Variants in ABLIM1 observed in about 807,000 individuals in gnomAD.
ABLIM1 encodes actin-binding LIM protein 1.
ABLIM1 carries 40 observed loss-of-function variants against 107.0 expected under a neutral mutation model. The observed-to-expected ratio is 0.37, with a 90% confidence interval of 0.29 to 0.49. ABLIM1 has a LOEUF of 0.49. ABLIM1 is among the 20% of genes least tolerant of loss of function. The pLI, the probability that ABLIM1 is intolerant of heterozygous loss-of-function variation, is 0.97. For missense variants in ABLIM1, 857 were observed against 1,008.5 expected (o/e 0.85, Z 2.04); for synonymous variants, 357 against 357.3 (o/e 1.00, Z 0.01).
chr10:114,449,254 G>A (rs74158005), intron 14 of ABLIM1, among the ~76,000 whole-genome samples: 4,181 of 152,256 alleles, frequency 0.027, 193 homozygotes, highest in African/African-American at 0.097. Flanking sequence ...TTGCAAATCG[G>A]CCAGGGATGT....
At chr10:114,454,157 T>C (rs2062390016) in intron 12 of ABLIM1, among the ~76,000 whole-genome samples, 1 of 152,126 alleles carries the variant, frequency 6.6e-6, no homozygotes, top group South Asian at 2.1e-4. Context: ...GGCCAATGAT[T>C]CAATCATTGA....
At chr10:114,605,983 G>T (rs143838843) in intron 1 of ABLIM1, among the ~76,000 whole-genome samples, 1 of 152,226 alleles carries the variant, frequency 6.6e-6, no homozygotes, top group Admixed American at 6.5e-5. Flanking sequence ...GACCATTAAA[G>T]AAATCCCAGT....
chr10:114,547,718 C>T lies in ABLIM1; in HGVS notation c.732G>A (p.Lys244=). The change falls in exon 5 of 23, where the codon AAG becomes AAA. Residue 244 remains lysine, a synonymous_variant. Coordinates refer to ENST00000533213, the MANE Select transcript of ABLIM1 (RefSeq NM_002313.7). ...ATTTAAAGCACCCCAAGTGCCACTG[C>T]TTATCCAGCGCCAGCAGCGCCTGCC... The part of the protein sequence containing the change: ...KNGQALLALD[K]QWHLGCFKCK... 1.9e-6 allele frequency: 3 copies of T among 1,613,456 alleles called. No homozygotes were observed. Among genetic ancestry groups the T allele is most frequent in the Non-Finnish European group, 1.7e-6 (2 of 1,180,038 alleles).
chr10:114,571,898 A>AC (rs945783009), intron 3 of ABLIM1, among the ~76,000 whole-genome samples: 1 of 152,196 alleles, frequency 6.6e-6, no homozygotes, highest in Non-Finnish European at 1.5e-5. Flanking sequence ...TTTGTGCTGG[A>AC]CACCTACATG....
At chr10:114,566,611 G>A (rs1227588648) in intron 4 of ABLIM1, among the ~76,000 whole-genome samples, 1 of 152,190 alleles carries the variant, frequency 6.6e-6, no homozygotes, top group African/African-American at 2.4e-5. Context: ...AAAACCCTGT[G>A]TGCTAACTTT....
At chr10:114,587,722 C>T (rs2139471515) in intron 2 of ABLIM1, among the ~76,000 whole-genome samples, 1 of 152,270 alleles carries the variant, frequency 6.6e-6, no homozygotes, top group East Asian at 1.9e-4. Context: ...CTATGCCTAC[C>T]ATGCTCCCCT....
intron 1 of ABLIM1, among the ~76,000 whole-genome samples, chr10:114,607,340 G>A (rs567256259): frequency 2.6e-4 from 39 of 152,276 alleles, no homozygotes; most frequent in Non-Finnish European, 3.2e-4. Flanking sequence ...GATTACAGGC[G>A]TGAGCCACCG....
intron 6 of ABLIM1, among the ~76,000 whole-genome samples, chr10:114,497,997 A>G (rs2059920791): frequency 6.6e-6 from 1 of 152,220 alleles, no homozygotes; most frequent in African/African-American, 2.4e-5. Flanking sequence ...TGCAAAATTT[A>G]GTGTAAGTCA....
chr10:114,454,979 T>C (rs2062530176), intron 12 of ABLIM1, among the ~76,000 whole-genome samples: 1 of 152,226 alleles, frequency 6.6e-6, no homozygotes, highest in Admixed American at 6.5e-5. Flanking sequence ...GTCCAATTTA[T>C]TTATCTATTA....
intron 4 of ABLIM1, among the ~76,000 whole-genome samples, chr10:114,569,454 G>T (rs774404732): frequency 2.0e-5 from 3 of 151,880 alleles, no homozygotes; most frequent in African/African-American, 7.3e-5. Context: ...CGAGTAGCTG[G>T]GATTACAGGT....
upstream of ABLIM1, among the ~76,000 whole-genome samples, chr10:114,689,932 T>C (rs1320360020): frequency 6.6e-6 from 1 of 152,138 alleles, no homozygotes; most frequent in African/African-American, 2.4e-5. Context: ...GGGCTAACTT[T>C]TTATAGTTAT....
intron 1 of ABLIM1, among the ~76,000 whole-genome samples, chr10:114,700,713 G>T (rs2081291579): frequency 1.3e-5 from 2 of 151,320 alleles, no homozygotes; most frequent in Admixed American, 1.3e-4. Context: ...AACAAATGAG[G>T]CTGGAACAAT....
At chr10:114,577,393 T>C (rs939876439) in intron 2 of ABLIM1, among the ~76,000 whole-genome samples, 1 of 152,188 alleles carries the variant, frequency 6.6e-6, no homozygotes, top group African/African-American at 2.4e-5. Flanking sequence ...AGACTACTGG[T>C]AATTCCCTAA....
chr10:114,442,987 C>A (rs750486547), intron 17 of ABLIM1, among the ~76,000 whole-genome samples: 1 of 152,020 alleles, frequency 6.6e-6, no homozygotes, highest in African/African-American at 2.4e-5. Context: ...TGCAGGAGCC[C>A]GCCACCACAC....
the ABLIM1 span, among the ~76,000 whole-genome samples, chr10:114,798,561 C>CCCG: frequency 4.2e-5 from 6 of 143,334 alleles, no homozygotes; most frequent in Non-Finnish European, 9.1e-5. Context: ...ATGAGACCCC[C>CCCG]CCCCCATGTC....
chr10:114,637,279 C>T (rs1048863966), intron 1 of ABLIM1, among the ~76,000 whole-genome samples: 1 of 152,148 alleles, frequency 6.6e-6, no homozygotes, highest in Non-Finnish European at 1.5e-5. Flanking sequence ...ACCATGCCAT[C>T]AGATCTGAAA....
the ABLIM1 span, among the ~76,000 whole-genome samples, chr10:114,781,329 C>T: frequency 1.3e-5 from 2 of 151,820 alleles, no homozygotes; most frequent in Non-Finnish European, 2.9e-5. Flanking sequence ...CATGGTGAAA[C>T]CCCATCTCTA....
chr10:114,611,964 G>A (rs533555085), intron 1 of ABLIM1, among the ~76,000 whole-genome samples: 9 of 152,154 alleles, frequency 5.9e-5, no homozygotes, highest in African/African-American at 1.9e-4. Flanking sequence ...CTCAGATTAG[G>A]GGACTGGATT....
chr10:114,713,559 T>G (rs2081598156), intron 1 of ABLIM1, among the ~76,000 whole-genome samples: 1 of 152,216 alleles, frequency 6.6e-6, no homozygotes, highest in African/African-American at 2.4e-5. Context: ...AAAAGGCTTC[T>G]AACCTACCAT....
Sources: gnomAD v4.1 joint callset for allele counts (sites outside exome capture counted in the v4.1 genomes callset) on GRCh38, gnomAD v4.1.1 for gene constraint, MANE v1.5 for transcripts, NCBI Gene and HGNC (gene_info 2026-07-23, HGNC 2026-07-21) for gene names.